LRP1: variants seen among roughly 807,000 people sequenced by gnomAD.
LRP1 encodes the protein LDL receptor related protein 1.
A neutral mutation model predicts 541.5 loss-of-function variants in LRP1; 51 were observed. The observed-to-expected ratio is 0.09, with a 90% CI of 0.08 to 0.12. LRP1 has a LOEUF of 0.12. Among genes scored for constraint, LRP1 ranks in the 10% least tolerant of loss-of-function variants. The pLI, the probability that LRP1 is intolerant of heterozygous loss-of-function variation, is 1.00. For missense variants in LRP1, 3,878 were observed against 6,376.2 expected (o/e 0.61, Z 13.34); for synonymous variants, 2,219 against 2,470.8 (o/e 0.90, Z 3.02).
chr12:57,175,940 C>T lies in LRP1; in HGVS notation c.3825C>T (p.Asn1275=), dbSNP rs993352961. The change falls in exon 24 of 89, where the codon AAC becomes AAT. Residue 1275 remains asparagine, a synonymous_variant. Transcript: ENST00000243077. ...DPFKPFIIFS[N]RHEIRRIDLH... is the part of the protein sequence containing the mutation. The stretch of plus-strand genomic sequence containing the variant: ...TCAAGCCGTTCATCATTTTCTCCAA[C>T]CGCCATGAAATCCGGCGCATCGATC... 2 of 1,614,120 alleles carry T rather than the reference C, an allele frequency of 1.2e-6. No homozygotes were observed. Among genetic ancestry groups the T allele is most frequent in the Non-Finnish European group, 1.7e-6 (2 of 1,180,062 alleles).
intron 34 of LRP1, 79 bp downstream of exon 34, chr12:57,181,370 C>T (rs1316522754): frequency 1.3e-6 from 2 of 1,506,964 alleles, no homozygotes; most frequent in South Asian, 2.5e-5. Flanking sequence ...CCACCTTCCT[C>T]TTCTTACCTT....
In LRP1 at chr12:57,173,550, G is replaced by T. The variant is rs961328020; in HGVS notation, c.3346+200G>T. Among the ~76,000 whole-genome samples, 3 of 152,234 alleles carry T rather than the reference G, an allele frequency of 2.0e-5. No homozygotes were observed. The highest frequency in any genetic ancestry group is 4.4e-5 in the Non-Finnish European group (3 of 68,036). On this transcript the variant is annotated intron_variant, in intron 21 of 88. Transcript: ENST00000243077. This position sits in a 1 kb window ranked among gnomAD's most constrained non-coding sequence, Gnocchi z 4.7. Reference sequence around the variant, plus strand: ...CATGAAGGGCCAGAGCCTGCACAGAGGACCTGAGAAGCCAAAACCCTACCA... The same window carrying T: ...CATGAAGGGCCAGAGCCTGCACAGATGACCTGAGAAGCCAAAACCCTACCA...
In LRP1 at chr12:57,209,820, AG is replaced by A. The variant is rs2036867621; in HGVS notation, c.12392del (p.Ser4131ThrfsTer17). 6.2e-7 allele frequency: 1 copy of A among 1,614,094 alleles called. No individual in the cohort carries two copies. Among genetic ancestry groups the A allele is most frequent in the African/African-American group, 1.3e-5 (1 of 74,938 alleles). On this transcript the variant is annotated frameshift_variant, in exon 80 of 89. Coordinates refer to ENST00000243077, the MANE Select transcript of LRP1 (RefSeq NM_002332.3). LOFTEE classifies it high-confidence loss of function. ...CTTGGTCAACCTGACAGGGGGCCTG[AG>A]CCACGCCTCTGACGTGGTCCTTTAC... The part of the protein sequence containing the change: ...SPLVNLTGGL[S>X]HASDVVLYHQ...
At chr12:57,135,667 T>G (rs2035144486) in intron 1 of LRP1, among the ~76,000 whole-genome samples, 1 of 152,150 alleles carries the variant, frequency 6.6e-6, no homozygotes, top group Admixed American at 6.5e-5. Flanking sequence ...CCTCCCCCGG[T>G]GCTGCTGTGG....
intron 11 of LRP1, 52 bp from the exon 12 acceptor site, chr12:57,159,773 G>A: frequency 2.5e-6 from 4 of 1,593,180 alleles, no homozygotes; most frequent in Non-Finnish European, 3.4e-6. Flanking sequence ...GAGGCAGGCA[G>A]CTTTGAACTT....
Position 57,212,595 on chromosome 12 carries a change from C to G in LRP1, c.*40C>G, listed in dbSNP as rs752280179. 15 of 1,540,774 alleles carry G rather than the reference C, an allele frequency of 9.7e-6. No homozygotes were observed. The highest frequency in any genetic ancestry group is 1.3e-5 in the Non-Finnish European group (15 of 1,143,832). On this transcript the variant is annotated 3_prime_UTR_variant, in exon 89 of 89. Transcript: ENST00000243077. This position sits in a 1 kb window ranked among gnomAD's most constrained non-coding sequence, Gnocchi z 5.0. ...GGACTGCCCCCAGAAAGCCTCCTGC[C>G]CCCTGCCAGTGAAGTCCTTCAGTGA...
rs763156261 is a variant in LRP1, at chr12:57,212,101, T to G, written c.13350-16T>G. ...CCCAATAATCTCTGTCTCCTTATAC[T>G]CCTGCCTTTCCCCAGGGCTAAGGGC... On this transcript the variant is annotated splice_polypyrimidine_tract_variant and intron_variant, in intron 87 of 88. Coordinates refer to ENST00000243077, the MANE Select transcript of LRP1 (RefSeq NM_002332.3). The surrounding 1 kb of genome is among the most constrained non-coding windows in gnomAD (Gnocchi z 5.0). 6.2e-7 allele frequency: 1 copy of G among 1,613,722 alleles called. No homozygotes were observed. Among genetic ancestry groups the G allele is most frequent in the Non-Finnish European group, 8.5e-7 (1 of 1,179,884 alleles).
At position 57,162,987 on chromosome 12, in the gene LRP1, T is replaced by G. The variant is rs757187599; in HGVS notation, c.2530+4T>G. On this transcript the variant is annotated splice_donor_region_variant and intron_variant, in intron 15 of 88. Coordinates refer to ENST00000243077, the MANE Select transcript of LRP1 (RefSeq NM_002332.3). This position sits in a 1 kb window ranked among gnomAD's most constrained non-coding sequence, Gnocchi z 5.2. ...GCAGACGGCGTCACTTGCTTGGGTA[T>G]GAGGTGCCTGGCTGGGTGGGAGTGG... 20 of 1,597,800 alleles carry G rather than the reference T, an allele frequency of 1.3e-5. No homozygotes were observed. The highest frequency in any genetic ancestry group is 1.7e-5 in the Non-Finnish European group (20 of 1,175,274).
At position 57,206,970 on chromosome 12, in the gene LRP1, G is replaced by A. The variant is rs1428718088; in HGVS notation, c.11859+229G>A. On this transcript the variant is annotated intron_variant, in intron 76 of 88. Coordinates refer to ENST00000243077, the MANE Select transcript of LRP1 (RefSeq NM_002332.3). This position sits in a 1 kb window ranked among gnomAD's most constrained non-coding sequence, Gnocchi z 4.7. ...AAAATACAAAAATTTGGCTGAGCGC[G>A]GTGGCTCATGCCTGTAATCCCAGCA... Among the ~76,000 whole-genome samples, 3 of 152,094 alleles carry A rather than the reference G, an allele frequency of 2.0e-5. No individual in the cohort carries two copies. Among genetic ancestry groups the A allele is most frequent in the African/African-American group, 4.8e-5 (2 of 41,398 alleles).
In LRP1 at chr12:57,160,959, G is replaced by A. The variant is rs770616327; in HGVS notation, c.2046G>A (p.Ala682=). 33 of 1,610,932 alleles carry A rather than the reference G, an allele frequency of 2.0e-5. No individual in the cohort carries two copies. Among genetic ancestry groups the A allele is most frequent in the Non-Finnish European group, 2.5e-5 (30 of 1,178,992 alleles). The change falls in exon 13 of 89, where the codon GCG becomes GCA. Residue 682 remains alanine (A), a synonymous_variant. Transcript: ENST00000243077. ...GTCGGCGTGGGCGGCTGGAGAGGGC[G>A]TGGATGGATGGCTCACACCGAGACA... is the stretch of plus-strand genomic sequence containing the variant. ...KDSRRGRLER[A]WMDGSHRDIF...
intron 79 of LRP1, among the ~76,000 whole-genome samples, chr12:57,209,420 G>A (rs1407615390): frequency 2.0e-5 from 3 of 152,234 alleles, no homozygotes; most frequent in Non-Finnish European, 4.4e-5. Context: ...TTCATTGGTT[G>A]GGTTGCACGG....
At position 57,212,163 on chromosome 12, in the gene LRP1, G is replaced by A. The variant is rs530070761; in HGVS notation, c.13396G>A (p.Val4466Met). 5.0e-6 allele frequency: 8 copies of A among 1,613,900 alleles called. No homozygotes were observed. Among genetic ancestry groups the A allele is most frequent in the South Asian group, 2.2e-5 (2 of 91,090 alleles). ...ACGGATGACCAACGGGGCCATGAAC[G>A]TGGAGATTGGAAACCCCACCTACAA... ...HQRMTNGAMN[V>M]EIGNPTYKMY... Residue 4466 changes from valine to methionine, a missense_variant, in exon 88 of 89, where the codon GTG becomes ATG. Physicochemically the swap from Val to Met is conservative, Grantham distance 21. This residue lies in a region of LRP1 where 871 missense variants were observed against 1,212.4 expected (regional missense o/e 0.72). Coordinates refer to ENST00000243077, the MANE Select transcript of LRP1 (RefSeq NM_002332.3). The surrounding 1 kb of genome is among the most constrained non-coding windows in gnomAD (Gnocchi z 5.0).
chr12:57,145,419 A>C lies in LRP1; in HGVS notation c.770A>C (p.Lys257Thr), dbSNP rs1201575119. The C allele has an allele frequency of 1.9e-6, 3 of 1,614,176 alleles. No individual in the cohort carries two copies. The highest frequency in any genetic ancestry group is 2.5e-6 in the Non-Finnish European group (3 of 1,180,032). Residue 257 changes from lysine (K) to threonine (T), a missense_variant, in exon 6 of 89, where the codon AAG becomes ACG. Around this residue, in one of 13 missense-constraint regions of LRP1, gnomAD observed 293 missense variants for 403.7 expected, o/e 0.73. Transcript: ENST00000243077. ...GACAGTGCTGCTCAGACGCAGCTCA[A>C]GTGTGCCCGCATGCCTGGCCTAAAG... Reference protein sequence around the residue: ...VGDSAAQTQLKCARMPGLKGF... With the variant: ...VGDSAAQTQLTCARMPGLKGF...
At chr12:57,148,889 A>C (rs972376942) in intron 6 of LRP1, 11 of 539,608 alleles carry the variant, frequency 2.0e-5, no homozygotes, top group Non-Finnish European at 3.6e-5. Flanking sequence ...CCTAGGCTGC[A>C]GGCAGCAAGG....
intron 20 of LRP1, among the ~76,000 whole-genome samples, chr12:57,172,257 G>A (rs1200851889): frequency 1.3e-5 from 2 of 151,742 alleles, no homozygotes; most frequent in Non-Finnish European, 2.9e-5. Context: ...TGCAAGCTCC[G>A]CCTCCCAGTT....
At position 57,162,427 on chromosome 12, in the gene LRP1, T is replaced by C; in HGVS notation, c.2313T>C (p.Gly771=). ...RSGSVYRLER[G]VGGAPPTVTL... is the part of the protein sequence containing the mutation. ...GCAGTGTCTACCGCTTGGAACGGGG[T>C]GTAGGAGGCGCACCCCCCACTGTGA... Residue 771 remains glycine (G), a synonymous_variant, in exon 14 of 89, where the codon GGT becomes GGC. Coordinates refer to ENST00000243077, the MANE Select transcript of LRP1 (RefSeq NM_002332.3). This position sits in a 1 kb window ranked among gnomAD's most constrained non-coding sequence, Gnocchi z 5.2. The C allele has an allele frequency of 6.2e-7, 1 of 1,613,904 alleles. No homozygotes were observed. Among genetic ancestry groups the C allele is most frequent in the Non-Finnish European group, 8.5e-7 (1 of 1,179,962 alleles).
rs1236211423 is a variant in LRP1, at chr12:57,184,822, G to T, written c.6187-17G>T. The T allele has an allele frequency of 4.4e-6, 7 of 1,603,432 alleles. No individual in the cohort carries two copies. The highest frequency in any genetic ancestry group is 6.0e-6 in the Non-Finnish European group (7 of 1,171,814). ...GAGCTCAGCCCTGGAGGTGAGGTGG[G>T]TGCCTCTGGCCTGTAGGATGGGAAG... On this transcript the variant is annotated splice_polypyrimidine_tract_variant and intron_variant, in intron 38 of 88. Coordinates refer to ENST00000243077, the MANE Select transcript of LRP1 (RefSeq NM_002332.3). This position sits in a 1 kb window ranked among gnomAD's most constrained non-coding sequence, Gnocchi z 7.8.
At chr12:57,192,239 C>G (rs117662648) in intron 44 of LRP1, among the ~76,000 whole-genome samples, 2 of 152,008 alleles carry the variant, frequency 1.3e-5, no homozygotes, top group Non-Finnish European at 2.9e-5. Context: ...CCTTTGGAAC[C>G]GCAAAACCCC....
intron 6 of LRP1, among the ~76,000 whole-genome samples, chr12:57,151,167 C>T (rs2035518683): frequency 6.6e-6 from 1 of 152,106 alleles, no homozygotes; most frequent in Non-Finnish European, 1.5e-5. Flanking sequence ...GGAAAGCAGC[C>T]ACCATGTATG....
Sources: allele counts gnomAD v4.1 joint callset (sites outside exome capture counted in the v4.1 genomes callset), GRCh38; gene constraint gnomAD v4.1.1; regional missense constraint gnomAD v4.1.1; non-coding constraint Gnocchi (gnomAD v3.1); transcripts MANE v1.5; gene names NCBI Gene and HGNC (gene_info 2026-07-23, HGNC 2026-07-21).